RAPGEF2: variants seen among roughly 807,000 people sequenced by gnomAD.
The protein encoded by RAPGEF2 is PDZ domain containing guanine nucleotide exchange factor (GEF) 1.
RAPGEF2 carries 54 observed loss-of-function variants against 186.7 expected under a neutral mutation model. The ratio of observed to expected loss-of-function variants is 0.29; its 90% CI spans 0.23 to 0.36. The LOEUF (loss-of-function observed/expected upper bound fraction) is 0.36. RAPGEF2 is among the 10% of genes least tolerant of loss of function. The pLI, the probability that RAPGEF2 is intolerant of heterozygous loss-of-function variation, is 1.00. For synonymous variants in RAPGEF2, 712 were observed against 705.9 expected (o/e 1.01, Z -0.14); for missense variants, 1,532 against 2,045.0 (o/e 0.75, Z 4.84).
At chr4:159,240,434 A>G (rs1056760099) in intron 5 of RAPGEF2, among the ~76,000 whole-genome samples, 5 of 139,632 alleles carry the variant, frequency 3.6e-5, no homozygotes, top group African/African-American at 1.1e-4. Flanking sequence ...CCTGGGTTCA[A>G]GCAATTCTCC....
chr4:159,168,041 A>T (rs1745510456), intron 1 of RAPGEF2, among the ~76,000 whole-genome samples: 1 of 152,218 alleles, frequency 6.6e-6, no homozygotes, highest in African/African-American at 2.4e-5. Context: ...AAATTTTGTC[A>T]TGTTGTCCAG....
At chr4:159,181,419 A>C (rs1449460043) in intron 1 of RAPGEF2, among the ~76,000 whole-genome samples, 1 of 152,166 alleles carries the variant, frequency 6.6e-6, no homozygotes, top group Non-Finnish European at 1.5e-5. Flanking sequence ...CTTGATGGTT[A>C]AATGAATGCA....
intron 4 of RAPGEF2, among the ~76,000 whole-genome samples, chr4:159,212,477 A>AT (rs1750627725): frequency 6.6e-6 from 1 of 152,070 alleles, no homozygotes. Context: ...CTTTAATAGT[A>AT]TTTTTTTCTC....
Position 159,322,489 on chromosome 4 carries a change from T to C in RAPGEF2, c.990+6T>C, listed in dbSNP as rs1339511315. On this transcript the variant is annotated splice_donor_region_variant and intron_variant, in intron 10 of 29. Transcript: ENST00000691494. ...TGTTAAATGATGGTGAAGAGGTGAG[T>C]AACTATTCCTACCACTTAAAAAGTT... 1.2e-6 allele frequency: 2 copies of C among 1,611,534 alleles called. No individual in the cohort carries two copies. The highest frequency in any genetic ancestry group is 1.7e-6 in the Non-Finnish European group (2 of 1,178,250).
chr4:159,243,898 C>T (rs531825698), intron 7 of RAPGEF2, 107 bp downstream of exon 7: 5 of 879,026 alleles, frequency 5.7e-6, no homozygotes, highest in East Asian at 1.2e-4. Flanking sequence ...TCGTCTTGTC[C>T]TTCTGTATTT....
At chr4:159,252,002 AGG>A (rs1223288035) in intron 7 of RAPGEF2, among the ~76,000 whole-genome samples, 1 of 152,266 alleles carries the variant, frequency 6.6e-6, no homozygotes, top group East Asian at 1.9e-4. Flanking sequence ...ACCCACCAGA[AGG>A]AACAAAGACA....
Position 159,329,855 on chromosome 4 carries a change from C to A in RAPGEF2, c.1150-3C>A. 1 of 1,600,592 alleles carries A rather than the reference C, an allele frequency of 6.2e-7. No individual in the cohort carries two copies. Among genetic ancestry groups the A allele is most frequent in the Non-Finnish European group, 8.5e-7 (1 of 1,173,310 alleles). On this transcript the variant is annotated splice_polypyrimidine_tract_variant and splice_region_variant and intron_variant, in intron 11 of 29. Coordinates refer to ENST00000691494, the MANE Select transcript of RAPGEF2 (RefSeq NM_001394067.2). ...TTAACATGTGACTTATGTTTTATTC[C>A]AGTTTGTCTGCATAGCCCAGCAAGA...
intron 20 of RAPGEF2, 95 bp downstream of exon 20, chr4:159,342,042 T>C (rs1729539031): frequency 1.7e-6 from 2 of 1,208,150 alleles, no homozygotes; most frequent in African/African-American, 3.1e-5. Flanking sequence ...ATAAATGCTA[T>C]AGGTTTTAAT....
intron 1 of RAPGEF2, among the ~76,000 whole-genome samples, chr4:159,112,408 A>G (rs190416263): frequency 2.6e-5 from 4 of 152,272 alleles, no homozygotes; most frequent in Non-Finnish European, 5.9e-5. Flanking sequence ...GGAAGTAGTA[A>G]GGTTAGCCTT....
intron 7 of RAPGEF2, among the ~76,000 whole-genome samples, chr4:159,259,224 T>C (rs1007879186): frequency 3.3e-5 from 5 of 152,236 alleles, no homozygotes; most frequent in African/African-American, 1.2e-4. Context: ...TATTGCTTTT[T>C]ATGTTATTTA....
chr4:159,332,338 T>G (rs1411071865), intron 16 of RAPGEF2, 113 bp from the exon 17 acceptor site: 4 of 1,155,072 alleles, frequency 3.5e-6, no homozygotes, highest in Admixed American at 2.4e-5. Flanking sequence ...TTTGCAGTTT[T>G]GATAACTGAA....
chr4:159,326,225 A>ATAT, intron 11 of RAPGEF2, among the ~76,000 whole-genome samples: 1 of 152,302 alleles, frequency 6.6e-6, no homozygotes, highest in South Asian at 2.1e-4. Context: ...TTAAAATGTC[A>ATAT]TATAACTGTC....
chr4:159,297,683 T>G (rs566466154), intron 7 of RAPGEF2, among the ~76,000 whole-genome samples: 172 of 152,300 alleles, frequency 1.1e-3, no homozygotes, highest in African/African-American at 3.8e-3. Flanking sequence ...TAGTTTTAGG[T>G]ATGACAGTGT....
intron 1 of RAPGEF2, among the ~76,000 whole-genome samples, chr4:159,182,386 C>CTTCTTTTTTT (rs1747099915): frequency 1.2e-5 from 1 of 85,690 alleles, no homozygotes; most frequent in African/African-American, 4.4e-5. Flanking sequence ...TTCTTTTCTT[C>CTTCTTTTTTT]TTTTTTTTTT....
chr4:159,353,585 G>A lies in RAPGEF2; in HGVS notation c.4190G>A (p.Arg1397His), dbSNP rs1180863507. 8 of 1,589,562 alleles carry A rather than the reference G, an allele frequency of 5.0e-6. No individual in the cohort carries two copies. The highest frequency in any genetic ancestry group is 4.5e-5 in the East Asian group (2 of 44,778). The change falls in exon 28 of 30, where the codon CGC becomes CAC. Residue 1397 changes from arginine (R) to histidine (H), a missense_variant. Transcript: ENST00000691494. This position sits in a 1 kb window ranked among gnomAD's most constrained non-coding sequence, Gnocchi z 4.3. ...TEELSQDQGD[R>H]ASLDAADSGR... is the part of the protein sequence containing the mutation. ...GAACTTTCCCAGGATCAGGGGGATC[G>A]CGCGTCACTTGATGCTGCTGACAGT...
rs1340150914 is a variant in RAPGEF2, at chr4:159,356,176, T to C, written c.4957+18T>C. The C allele has an allele frequency of 1.2e-6, 2 of 1,603,016 alleles. No individual in the cohort carries two copies. Among genetic ancestry groups the C allele is most frequent in the Non-Finnish European group, 1.7e-6 (2 of 1,171,822 alleles). On this transcript the variant is annotated intron_variant, in intron 29 of 29. Coordinates refer to ENST00000691494, the MANE Select transcript of RAPGEF2 (RefSeq NM_001394067.2). ...GGAGGATGGTATATGCACATAAATATTCCTAAAACCTCCAAGTTAGATGTG... is the reference window on the plus strand; with the variant it reads ...GGAGGATGGTATATGCACATAAATACTCCTAAAACCTCCAAGTTAGATGTG...
chr4:159,211,129 A>C (rs569794762), intron 4 of RAPGEF2, among the ~76,000 whole-genome samples: 1 of 152,118 alleles, frequency 6.6e-6, no homozygotes, highest in African/African-American at 2.4e-5. Context: ...TGTGCTGACT[A>C]CTCACTTATG....
At position 159,123,610 on chromosome 4, in the gene RAPGEF2, C is replaced by T. The variant is rs1173082169; in HGVS notation, c.69+19379C>T. Among the ~76,000 whole-genome samples, 3 of 148,748 alleles carry T rather than the reference C, an allele frequency of 2.0e-5. No homozygotes were observed. In the Admixed American group the frequency reaches 2.0e-4, roughly 10 times the overall value. On this transcript the variant is annotated intron_variant, in intron 1 of 29. Coordinates refer to ENST00000691494, the MANE Select transcript of RAPGEF2 (RefSeq NM_001394067.2). ...CTGGAGTGCAGTGGCTCGATCTCAG[C>T]TGGGTTCACGCCATTCTCCTACCTC... is the stretch of plus-strand genomic sequence containing the variant.
intron 1 of RAPGEF2, among the ~76,000 whole-genome samples, chr4:159,168,813 G>A (rs991894033): frequency 1.3e-5 from 2 of 152,116 alleles, no homozygotes; most frequent in African/African-American, 4.8e-5. Flanking sequence ...TTGCTTTGTA[G>A]GTAGCTTGAG....
Sources: allele counts gnomAD v4.1 joint callset (sites outside exome capture counted in the v4.1 genomes callset), GRCh38; gene constraint gnomAD v4.1.1; non-coding constraint Gnocchi (gnomAD v3.1); transcripts MANE v1.5; gene names NCBI Gene and HGNC (gene_info 2026-07-23, HGNC 2026-07-21).